CFAP47: variants seen among roughly 807,000 people sequenced by gnomAD.
The protein encoded by CFAP47 is cilia- and flagella-associated protein 47.
In CFAP47, 29 loss-of-function variants were observed where a neutral mutation model predicts 148.1. The observed-to-expected ratio is 0.20, with a 90% confidence interval of 0.15 to 0.27. CFAP47 has a LOEUF of 0.27. Ranked by LOEUF, CFAP47 falls within the 10% of genes least tolerant of loss-of-function variation. The pLI, the probability that CFAP47 is intolerant of heterozygous loss-of-function variation, is 1.00. For missense variants in CFAP47, 1,872 were observed against 1,697.5 expected (o/e 1.10, Z -1.81); for synonymous variants, 664 against 577.3 (o/e 1.15, Z -2.15).
intron 27 of CFAP47, among the ~76,000 whole-genome samples, chrX:36,068,285 A>G (rs1449113791): frequency 1.8e-5 from 2 of 112,070 alleles, no homozygotes; most frequent in Non-Finnish European, 3.8e-5. Flanking sequence ...TTCTTCTGTC[A>G]TAGCCCTTAC....
At chrX:36,377,166 A>G (rs1410224524) in intron 62 of CFAP47, among the ~76,000 whole-genome samples, 1 of 111,679 alleles carries the variant, frequency 9.0e-6, no homozygotes, top group Non-Finnish European at 1.9e-5. Flanking sequence ...GTCAAATGGC[A>G]TTTCTAGTTC....
At chrX:36,244,623 A>G (rs1456941501) in intron 48 of CFAP47, among the ~76,000 whole-genome samples, 3 of 111,814 alleles carry the variant, frequency 2.7e-5, no homozygotes, top group Non-Finnish European at 5.6e-5. Flanking sequence ...GACAAATTTA[A>G]AAATCTAAAG....
intron 35 of CFAP47, among the ~76,000 whole-genome samples, chrX:36,143,391 T>C (rs1349478492): frequency 8.9e-6 from 1 of 112,004 alleles, no homozygotes; most frequent in African/African-American, 3.2e-5. Context: ...TCAAGTGCCT[T>C]AGTTCCACCT....
chrX:36,097,685 A>T (rs914162592), intron 30 of CFAP47, among the ~76,000 whole-genome samples: 1 of 110,638 alleles, frequency 9.0e-6, no homozygotes, highest in African/African-American at 3.3e-5. Context: ...ATTTCTTAAA[A>T]TTTTTGATAT....
At chrX:35,970,363 A>T (rs1455111655) in intron 10 of CFAP47, among the ~76,000 whole-genome samples, 2 of 108,763 alleles carry the variant, frequency 1.8e-5, no homozygotes, top group African/African-American at 6.7e-5. Flanking sequence ...ATTATTGTAC[A>T]TTTTTTTTTC....
At chrX:35,997,949 G>T (rs1569228313) in intron 19 of CFAP47, among the ~76,000 whole-genome samples, 3 of 110,241 alleles carry the variant, frequency 2.7e-5, no homozygotes, top group Middle Eastern at 4.8e-3. Flanking sequence ...GTATTTCTGG[G>T]TTTTTTTTAA....
chrX:36,231,333 T>C, intron 46 of CFAP47, among the ~76,000 whole-genome samples: 1 of 105,781 alleles, frequency 9.5e-6, no homozygotes. Flanking sequence ...TTCACATCCC[T>C]TGTAAGTTGG....
intron 42 of CFAP47, among the ~76,000 whole-genome samples, chrX:36,197,044 A>T (rs975345778): frequency 8.9e-6 from 1 of 111,941 alleles, no homozygotes; most frequent in Admixed American, 9.5e-5. Context: ...CTTCTGAATA[A>T]TGTTCTGACA....
chrX:36,247,683 C>T (rs184552294), intron 48 of CFAP47, among the ~76,000 whole-genome samples: 1 of 110,040 alleles, frequency 9.1e-6, no homozygotes, highest in African/African-American at 3.3e-5. Flanking sequence ...GTAAAATATA[C>T]GAAAAGGAAT....
In CFAP47 at chrX:36,280,553, A is replaced by G. The variant is rs1556003427; in HGVS notation, c.7511A>G (p.Asp2504Gly). Reference protein sequence around the residue: ...TRRKHDDYEEDTDQDQALSCL... With the variant: ...TRRKHDDYEEGTDQDQALSCL... Reference sequence around the variant, plus strand: ...AGGAAACATGATGATTATGAGGAAGACACAGATCAAGATCAAGCCCTCTCC... The same window carrying G: ...AGGAAACATGATGATTATGAGGAAGGCACAGATCAAGATCAAGCCCTCTCC... The change falls in exon 50 of 64, where the codon GAC becomes GGC. Residue 2504 changes from aspartate to glycine, a missense_variant. Coordinates refer to ENST00000378653, the MANE Select transcript of CFAP47 (RefSeq NM_001304548.2). 3.9e-6 allele frequency: 2 copies of G among 508,572 alleles called. No individual in the cohort carries two copies. Among genetic ancestry groups the G allele is most frequent in the African/African-American group, 2.3e-5 (1 of 43,139 alleles). 41.9% of individuals were successfully genotyped at this position (508,572 alleles called of 1,213,427 possible).
chrX:36,285,460 C>T (rs1248027701), intron 50 of CFAP47, among the ~76,000 whole-genome samples, 169 bp from the exon 51 acceptor site: 1 of 111,743 alleles, frequency 8.9e-6, no homozygotes, highest in East Asian at 2.8e-4. Context: ...TTCTCTTATT[C>T]CTCACTAACT....
chrX:36,107,211 G>T (rs994255397), intron 33 of CFAP47, among the ~76,000 whole-genome samples: 2 of 112,074 alleles, frequency 1.8e-5, no homozygotes, highest in Non-Finnish European at 3.8e-5. Context: ...TAAGCAATAT[G>T]TCTAATAAAT....
At chrX:36,079,651 T>G (rs1199787084) in intron 29 of CFAP47, among the ~76,000 whole-genome samples, 3 of 111,820 alleles carry the variant, frequency 2.7e-5, no homozygotes, top group Admixed American at 9.6e-5. Context: ...AGAAGTTTGT[T>G]ATTACTGACT....
intron 33 of CFAP47, among the ~76,000 whole-genome samples, chrX:36,130,247 A>G (rs954011650): frequency 9.0e-6 from 1 of 111,342 alleles, no homozygotes; most frequent in African/African-American, 3.3e-5. Context: ...TAATAATCTG[A>G]TAAAAAATGG....
intron 51 of CFAP47, among the ~76,000 whole-genome samples, chrX:36,291,924 C>A (rs1378283138): frequency 2.7e-5 from 3 of 110,951 alleles, no homozygotes; most frequent in Non-Finnish European, 5.7e-5. Context: ...CTATCTTAAA[C>A]AGTTAAGCAG....
At chrX:36,244,006 A>G (rs2146916450) in intron 48 of CFAP47, among the ~76,000 whole-genome samples, 1 of 110,931 alleles carries the variant, frequency 9.0e-6, no homozygotes, top group African/African-American at 3.3e-5. Context: ...CAATACGTTA[A>G]AAAACAAAAC....
chrX:36,374,223 A>C (rs1281170578), intron 62 of CFAP47, among the ~76,000 whole-genome samples: 3 of 111,057 alleles, frequency 2.7e-5, no homozygotes, highest in Non-Finnish European at 3.8e-5. Flanking sequence ...ATCTTTTTTA[A>C]AATTGGCCCC....
intron 33 of CFAP47, among the ~76,000 whole-genome samples, chrX:36,120,028 CT>C (rs752382048): frequency 1.0e-4 from 11 of 106,898 alleles, no homozygotes; most frequent in Non-Finnish European, 2.1e-4. Context: ...TGGAATCTCG[CT>C]CTGTTGCCCA....
Position 35,948,561 on chromosome X carries a change from C to T in CFAP47, c.656+109C>T, listed in dbSNP as rs1287987212. Reference sequence around the variant, plus strand: ...ATGTTAGCTCCTTTGTTCTTCCATTCAGCGTTGTTCATTGAGTCTCTACTA... The same window carrying T: ...ATGTTAGCTCCTTTGTTCTTCCATTTAGCGTTGTTCATTGAGTCTCTACTA... On this transcript the variant is annotated intron_variant, in intron 4 of 63. Transcript: ENST00000378653. The T allele has an allele frequency of 1.8e-5, 11 of 623,066 alleles. 1 individual carries two copies. Among genetic ancestry groups the T allele is most frequent in the Non-Finnish European group, 2.4e-5 (10 of 410,772 alleles). 51.3% of individuals were successfully genotyped at this position (623,066 alleles called of 1,213,427 possible).
Sources: gnomAD v4.1 joint callset for allele counts (sites outside exome capture counted in the v4.1 genomes callset) on GRCh38, gnomAD v4.1.1 for gene constraint, MANE v1.5 for transcripts, NCBI Gene and HGNC (gene_info 2026-07-23, HGNC 2026-07-21) for gene names.